The following MAPK8 variants were observed in gnomAD, a reference collection of about 807,000 sequenced individuals.
MAPK8 encodes JUN N-terminal kinase.
MAPK8 carries 13 observed loss-of-function variants against 52.9 expected under a neutral mutation model. That is an observed-to-expected ratio of 0.25 (90% confidence interval 0.16 to 0.39). The LOEUF (loss-of-function observed/expected upper bound fraction) is 0.39, where lower values mean the gene tolerates loss of function less well. Among genes scored for constraint, MAPK8 ranks in the 10% least tolerant of loss-of-function variants. MAPK8 has a pLI of 1.00. For synonymous variants in MAPK8, 191 were observed against 169.8 expected (o/e 1.12, Z -0.97); for missense variants, 300 against 519.2 (o/e 0.58, Z 4.10).
chr10:48,338,832 AACACACACACC>A (rs1844954257), intron 1 of MAPK8, among the ~76,000 whole-genome samples: 2 of 151,418 alleles, frequency 1.3e-5, no homozygotes, highest in South Asian at 2.1e-4. Context: ...GACACACACA[AACACACACACC>A]ACACACACAC....
intron 1 of MAPK8, among the ~76,000 whole-genome samples, chr10:48,376,543 AG>A (rs2040674401): frequency 6.6e-6 from 1 of 152,362 alleles, no homozygotes; most frequent in East Asian, 1.9e-4. Flanking sequence ...ACAAGAAAAA[AG>A]CAACCCCATC....
chr10:48,419,720 T>C (rs2043246854), intron 5 of MAPK8, among the ~76,000 whole-genome samples: 1 of 152,214 alleles, frequency 6.6e-6, no homozygotes, highest in Non-Finnish European at 1.5e-5. Context: ...AGATGGCTCG[T>C]TGTTGACTTA....
intron 1 of MAPK8, among the ~76,000 whole-genome samples, chr10:48,342,643 T>G (rs1436399077): frequency 6.6e-6 from 1 of 152,164 alleles, no homozygotes; most frequent in Non-Finnish European, 1.5e-5. Flanking sequence ...CAAGAGAGAT[T>G]TAGAGGGAAA....
intron 1 of MAPK8, among the ~76,000 whole-genome samples, chr10:48,396,678 T>C (rs1052065335): frequency 6.6e-6 from 1 of 152,214 alleles, no homozygotes; most frequent in African/African-American, 2.4e-5. Context: ...GGTGAATAGA[T>C]AGCAAATTGT....
chr10:48,386,023 G>C (rs2041291726), intron 1 of MAPK8, among the ~76,000 whole-genome samples: 2 of 152,118 alleles, frequency 1.3e-5, no homozygotes, highest in Non-Finnish European at 2.9e-5. Context: ...ATAAGTATAT[G>C]TGGTATCAAC....
intron 1 of MAPK8, among the ~76,000 whole-genome samples, chr10:48,369,838 A>T (rs571995835): frequency 6.6e-6 from 1 of 152,264 alleles, no homozygotes; most frequent in South Asian, 2.1e-4. Flanking sequence ...CATAGGAAAA[A>T]GTCAAGTTCT....
At chr10:48,384,992 AG>A (rs966524423) in intron 1 of MAPK8, among the ~76,000 whole-genome samples, 1 of 141,676 alleles carries the variant, frequency 7.1e-6, no homozygotes, top group African/African-American at 3.0e-5. Context: ...AGAGAAAAAA[AG>A]GATGAATCAG....
intron 1 of MAPK8, among the ~76,000 whole-genome samples, chr10:48,337,854 T>C (rs754256266): frequency 6.6e-6 from 1 of 151,940 alleles, no homozygotes; most frequent in Non-Finnish European, 1.5e-5. Context: ...TTAGAGGAAA[T>C]AGATAAACAT....
chr10:48,380,013 G>A (rs1179582307), intron 1 of MAPK8, among the ~76,000 whole-genome samples: 1 of 151,184 alleles, frequency 6.6e-6, no homozygotes, highest in African/African-American at 2.4e-5. Flanking sequence ...GGAGGCTGAG[G>A]TGAGCGGATC....
intron 1 of MAPK8, among the ~76,000 whole-genome samples, chr10:48,383,151 G>A (rs1366318653): frequency 6.6e-6 from 1 of 151,206 alleles, no homozygotes; most frequent in Non-Finnish European, 1.5e-5. Flanking sequence ...AAACCAATAA[G>A]CCTTAAGAAA....
At chr10:48,375,247 A>G (rs1297159624) in intron 1 of MAPK8, among the ~76,000 whole-genome samples, 1 of 152,210 alleles carries the variant, frequency 6.6e-6, no homozygotes, top group Non-Finnish European at 1.5e-5. Context: ...TCTCAAAATA[A>G]TAAGAGCTAT....
At chr10:48,320,511 A>G (rs1842903203) in intron 1 of MAPK8, among the ~76,000 whole-genome samples, 2 of 151,980 alleles carry the variant, frequency 1.3e-5, no homozygotes, top group South Asian at 4.1e-4. Flanking sequence ...TGCTGCTGAG[A>G]TTAGAGGCAT....
intron 5 of MAPK8, among the ~76,000 whole-genome samples, chr10:48,410,854 T>A (rs1343075638): frequency 6.6e-6 from 1 of 152,228 alleles, no homozygotes; most frequent in Non-Finnish European, 1.5e-5. Flanking sequence ...TCTTGTGATT[T>A]TACTTTGCAT....
chr10:48,412,835 T>C (rs1401182053), intron 5 of MAPK8, among the ~76,000 whole-genome samples: 1 of 152,218 alleles, frequency 6.6e-6, no homozygotes, highest in Non-Finnish European at 1.5e-5. Flanking sequence ...AAATCTACAG[T>C]TCTGTGGCAT....
At chr10:48,370,154 A>C (rs1268034602) in intron 1 of MAPK8, among the ~76,000 whole-genome samples, 1 of 152,130 alleles carries the variant, frequency 6.6e-6, no homozygotes, top group African/African-American at 2.4e-5. Context: ...AGTGAAGCAA[A>C]AGTATGTGGA....
chr10:48,427,257 G>A, intron 10 of MAPK8, 114 bp downstream of exon 10: 1 of 624,462 alleles, frequency 1.6e-6, no homozygotes, highest in Non-Finnish European at 2.8e-6. Flanking sequence ...ACCGAAATGT[G>A]GTAATATTAA....
intron 7 of MAPK8, 94 bp downstream of exon 7, chr10:48,424,253 G>T: frequency 8.5e-7 from 1 of 1,174,552 alleles, no homozygotes; most frequent in Non-Finnish European, 1.2e-6. Flanking sequence ...ACACAGATGG[G>T]TTTTTAAACA....
chr10:48,341,191 A>G (rs1845219966), intron 1 of MAPK8, among the ~76,000 whole-genome samples: 1 of 152,256 alleles, frequency 6.6e-6, no homozygotes, highest in Admixed American at 6.5e-5. Flanking sequence ...TATATAATGG[A>G]TAATACTGGA....
chr10:48,424,479 A>G (rs781289292), intron 7 of MAPK8: 13 of 1,376,422 alleles, frequency 9.4e-6, no homozygotes, highest in East Asian at 4.6e-5. Context: ...TTTAACCAAA[A>G]TCTTTATGTT....
Sources: allele counts gnomAD v4.1 joint callset (sites outside exome capture counted in the v4.1 genomes callset), GRCh38; gene constraint gnomAD v4.1.1; transcripts MANE v1.5; gene names NCBI Gene and HGNC (gene_info 2026-07-23, HGNC 2026-07-21).